Variants in NEGR1 observed in about 807,000 individuals in gnomAD.
NEGR1 encodes neuronal growth regulator 1, also known as IgLON family member 4.
In NEGR1, 10 loss-of-function variants were observed where a neutral mutation model predicts 40.9. The observed-to-expected ratio is 0.24, with a 90% CI of 0.15 to 0.42. NEGR1 has a LOEUF of 0.42. NEGR1 is among the 10% of genes least tolerant of loss of function. The pLI is 1.00. For synonymous variants in NEGR1, 185 were observed against 166.8 expected (o/e 1.11, Z -0.84); for missense variants, 352 against 438.9 (o/e 0.80, Z 1.77).
chr1:71,419,993 A>G (rs1048208767), intron 6 of NEGR1, among the ~76,000 whole-genome samples: 1 of 151,996 alleles, frequency 6.6e-6, no homozygotes, highest in Non-Finnish European at 1.5e-5. Context: ...AAACAGAGAG[A>G]GGTGTGCATT....
At chr1:72,002,795 A>G (rs946793197) in intron 1 of NEGR1, among the ~76,000 whole-genome samples, 9 of 152,206 alleles carry the variant, frequency 5.9e-5, no homozygotes, top group African/African-American at 2.2e-4. Context: ...TTCTTTACAA[A>G]TTGCACCAAG....
At chr1:71,859,214 A>G (rs1570439469) in intron 2 of NEGR1, among the ~76,000 whole-genome samples, 1 of 152,066 alleles carries the variant, frequency 6.6e-6, no homozygotes, top group Admixed American at 6.6e-5. Flanking sequence ...ACTCTGCTCC[A>G]GGACATTGGT....
At chr1:72,101,834 A>T (rs920194653) in intron 1 of NEGR1, among the ~76,000 whole-genome samples, 3 of 152,136 alleles carry the variant, frequency 2.0e-5, no homozygotes, top group African/African-American at 7.2e-5. Flanking sequence ...TGAATGCTAG[A>T]AGTCAAATTA....
chr1:72,272,748 T>C (rs1228084481), intron 1 of NEGR1, among the ~76,000 whole-genome samples: 1 of 151,998 alleles, frequency 6.6e-6, no homozygotes, highest in Non-Finnish European at 1.5e-5. Context: ...ATCAACAGCA[T>C]GAGCATGAGC....
At chr1:71,684,107 A>G (rs1369621954) in intron 4 of NEGR1, among the ~76,000 whole-genome samples, 1 of 151,992 alleles carries the variant, frequency 6.6e-6, no homozygotes, top group African/African-American at 2.4e-5. Context: ...TGTCTCTACT[A>G]AAAATACAAA....
intron 1 of NEGR1, among the ~76,000 whole-genome samples, chr1:72,159,781 C>A (rs1236756481): frequency 6.6e-6 from 1 of 151,944 alleles, no homozygotes; most frequent in Non-Finnish European, 1.5e-5. Flanking sequence ...AAAAAGATAT[C>A]GATGATAAAT....
intron 2 of NEGR1, among the ~76,000 whole-genome samples, chr1:71,910,364 C>T (rs1661392557): frequency 6.6e-6 from 1 of 152,072 alleles, no homozygotes; most frequent in South Asian, 2.1e-4. Flanking sequence ...TTGCAGGTAA[C>T]GAAATACCTG....
chr1:72,260,130 T>C (rs1221943789), intron 1 of NEGR1, among the ~76,000 whole-genome samples: 3 of 152,062 alleles, frequency 2.0e-5, no homozygotes, highest in African/African-American at 7.2e-5. Context: ...TTTTATCATT[T>C]TGAACCATGG....
At chr1:72,143,691 CAG>C (rs1248637513) in intron 1 of NEGR1, among the ~76,000 whole-genome samples, 1 of 150,390 alleles carries the variant, frequency 6.6e-6, no homozygotes, top group Non-Finnish European at 1.5e-5. Context: ...TCATCTAAAA[CAG>C]ATACTTTCCA....
chr1:71,839,407 C>T (rs995645552), intron 2 of NEGR1, among the ~76,000 whole-genome samples: 9 of 151,014 alleles, frequency 6.0e-5, no homozygotes, highest in Non-Finnish European at 1.2e-4. Flanking sequence ...GATGGGGTTT[C>T]GCCATATTGG....
intron 6 of NEGR1, among the ~76,000 whole-genome samples, chr1:71,572,846 C>T (rs1397902309): frequency 6.6e-6 from 1 of 152,058 alleles, no homozygotes; most frequent in Non-Finnish European, 1.5e-5. Flanking sequence ...TTAAAGGGAC[C>T]CTAGAAGAGT....
chr1:71,659,855 G>A (rs1218783957), intron 4 of NEGR1, among the ~76,000 whole-genome samples: 1 of 152,106 alleles, frequency 6.6e-6, no homozygotes, highest in African/African-American at 2.4e-5. Flanking sequence ...GGAGAAAAGG[G>A]AACACTTATA....
At chr1:72,012,731 C>A (rs1427770104) in intron 1 of NEGR1, among the ~76,000 whole-genome samples, 1 of 150,870 alleles carries the variant, frequency 6.6e-6, no homozygotes, top group Non-Finnish European at 1.5e-5. Flanking sequence ...TATATTTTTT[C>A]CAGAAAATAA....
chr1:71,831,153 CTGTCTTTTAGGACAG>C (rs751254852), intron 2 of NEGR1, among the ~76,000 whole-genome samples: 119 of 152,006 alleles, frequency 7.8e-4, no homozygotes, highest in Middle Eastern at 3.4e-3. Flanking sequence ...AAACAGTATG[CTGTCTTTTAGGACAG>C]TGTCTTTTAG....
intron 2 of NEGR1, among the ~76,000 whole-genome samples, chr1:71,883,655 C>T (rs950054014): frequency 2.6e-5 from 4 of 151,976 alleles, no homozygotes; most frequent in Non-Finnish European, 5.9e-5. Flanking sequence ...ATACATGCGC[C>T]GTGTTGGTGT....
intron 6 of NEGR1, among the ~76,000 whole-genome samples, chr1:71,444,869 C>T (rs778113465): frequency 8.5e-5 from 13 of 152,132 alleles, no homozygotes; most frequent in Non-Finnish European, 1.9e-4. Context: ...AACATTCTAA[C>T]ACAATAATAT....
At chr1:71,622,720 T>A (rs1277500948) in intron 4 of NEGR1, among the ~76,000 whole-genome samples, 1 of 151,774 alleles carries the variant, frequency 6.6e-6, no homozygotes. Flanking sequence ...GTCAATCAAT[T>A]GAAAAAGTAA....
intron 3 of NEGR1, among the ~76,000 whole-genome samples, chr1:71,759,596 CTTTTTT>C (rs71074804): frequency 3.8e-4 from 12 of 31,954 alleles, no homozygotes; most frequent in African/African-American, 7.4e-4. Context: ...TGCGTCCAGG[CTTTTTT>C]TTTTTTTTTT....
chr1:72,119,405 T>C (rs1318579438), intron 1 of NEGR1, among the ~76,000 whole-genome samples: 1 of 151,896 alleles, frequency 6.6e-6, no homozygotes, highest in African/African-American at 2.4e-5. Flanking sequence ...AACTGGAAAT[T>C]AGCATGATAT....
Sources: gnomAD v4.1 joint callset for allele counts (sites outside exome capture counted in the v4.1 genomes callset) on GRCh38, gnomAD v4.1.1 for gene constraint, MANE v1.5 for transcripts, NCBI Gene and HGNC (gene_info 2026-07-23, HGNC 2026-07-21) for gene names.